PDE4B: variants seen among roughly 807,000 people sequenced by gnomAD.
The protein encoded by PDE4B is phosphodiesterase 4B.
Under a neutral mutation model 82.2 loss-of-function variants are expected in PDE4B, and 20 were observed. The ratio of observed to expected loss-of-function variants is 0.24; its 90% CI spans 0.17 to 0.35. The LOEUF is 0.35. PDE4B is among the 10% of genes least tolerant of loss of function. The pLI is 1.00. For synonymous variants in PDE4B, 320 were observed against 318.9 expected, an observed-to-expected ratio of 1.00 and a Z score of -0.04; for missense variants, 655 against 907.2, an observed-to-expected ratio of 0.72 and a Z score of 3.57.
intron 3 of PDE4B, among the ~76,000 whole-genome samples, chr1:66,111,869 G>T (rs891657508): frequency 3.3e-5 from 5 of 152,104 alleles, no homozygotes; most frequent in Admixed American, 1.3e-4. Flanking sequence ...ACAATGCCAG[G>T]GTTCACTATA....
At chr1:66,353,854 C>T (rs375011432) in intron 8 of PDE4B, among the ~76,000 whole-genome samples, 38 of 152,232 alleles carry the variant, frequency 2.5e-4, no homozygotes, top group African/African-American at 8.9e-4. Flanking sequence ...AAACAATTCA[C>T]CATTCTTTCA....
intron 3 of PDE4B, among the ~76,000 whole-genome samples, chr1:65,924,465 G>A (rs1442112469): frequency 2.0e-5 from 3 of 151,668 alleles, no homozygotes; most frequent in African/African-American, 7.3e-5. Context: ...TTTAAAGTTT[G>A]TATTCATGTA....
chr1:66,034,824 T>C (rs1224574978), intron 3 of PDE4B, among the ~76,000 whole-genome samples: 1 of 152,214 alleles, frequency 6.6e-6, no homozygotes, highest in East Asian at 1.9e-4. Context: ...TCTCTGGTCA[T>C]AAAGTTTTTA....
intron 3 of PDE4B, among the ~76,000 whole-genome samples, chr1:66,153,693 A>C (rs1646447725): frequency 6.6e-6 from 1 of 152,184 alleles, no homozygotes; most frequent in African/African-American, 2.4e-5. Flanking sequence ...GTAGGTGTCC[A>C]CAAGAACTCA....
At chr1:66,275,274 A>G (rs1438044689) in intron 7 of PDE4B, among the ~76,000 whole-genome samples, 2 of 152,202 alleles carry the variant, frequency 1.3e-5, no homozygotes, top group East Asian at 1.9e-4. Context: ...ATTGAAATAC[A>G]TGTTTCAGGG....
At chr1:65,905,844 G>A (rs1251208084) in intron 1 of PDE4B, among the ~76,000 whole-genome samples, 2 of 152,098 alleles carry the variant, frequency 1.3e-5, no homozygotes, top group Non-Finnish European at 2.9e-5. Flanking sequence ...CAGTATTGTA[G>A]GATGAATAAG....
intron 3 of PDE4B, among the ~76,000 whole-genome samples, chr1:66,078,423 T>G (rs1656542858): frequency 6.6e-6 from 1 of 152,124 alleles, no homozygotes; most frequent in Non-Finnish European, 1.5e-5. Flanking sequence ...TTGGCCAGAC[T>G]GGTCTCGAAC....
chr1:65,892,533 T>G (rs536514458), intron 1 of PDE4B, among the ~76,000 whole-genome samples: 2 of 152,192 alleles, frequency 1.3e-5, no homozygotes, highest in South Asian at 2.1e-4. Flanking sequence ...AAAAGAAAAT[T>G]GTGAATAACC....
intron 1 of PDE4B, among the ~76,000 whole-genome samples, chr1:65,880,055 T>A (rs1368028707): frequency 6.6e-6 from 1 of 152,230 alleles, no homozygotes; most frequent in East Asian, 1.9e-4. Context: ...GCAAAGGTGA[T>A]GCTGATGTGT....
intron 3 of PDE4B, among the ~76,000 whole-genome samples, chr1:65,942,269 C>A (rs1305824864): frequency 2.6e-5 from 4 of 151,954 alleles, no homozygotes; most frequent in African/African-American, 4.8e-5. Context: ...TAAGTGAGAT[C>A]ATGTGGCATT....
At chr1:66,234,571 G>A (rs565916763) in intron 3 of PDE4B, among the ~76,000 whole-genome samples, 56 of 152,176 alleles carry the variant, frequency 3.7e-4, no homozygotes, top group Non-Finnish European at 7.1e-4. Flanking sequence ...TTACAGGCAT[G>A]AGCCACCGTG....
intron 3 of PDE4B, among the ~76,000 whole-genome samples, chr1:65,969,469 GA>G (rs1177549590): frequency 6.6e-6 from 1 of 152,204 alleles, no homozygotes; most frequent in African/African-American, 2.4e-5. Context: ...ACACGGTATG[GA>G]AGAGTTGTTT....
At chr1:66,217,439 T>C (rs1650554206) in intron 3 of PDE4B, among the ~76,000 whole-genome samples, 1 of 152,084 alleles carries the variant, frequency 6.6e-6, no homozygotes, top group East Asian at 1.9e-4. Context: ...AGCTGCAGTG[T>C]CAAGCAGGAA....
At chr1:66,078,119 T>A (rs921185831) in intron 3 of PDE4B, among the ~76,000 whole-genome samples, 1 of 152,142 alleles carries the variant, frequency 6.6e-6, no homozygotes, top group South Asian at 2.1e-4. Context: ...TGAGTCCATT[T>A]TTTTAAGGTT....
At chr1:66,122,557 C>A (rs774878614) in intron 3 of PDE4B, among the ~76,000 whole-genome samples, 2 of 152,022 alleles carry the variant, frequency 1.3e-5, no homozygotes, top group Non-Finnish European at 2.9e-5. Context: ...ATACATGTAA[C>A]CGTAAGATCA....
chr1:65,929,003 C>G (rs1417864678), intron 3 of PDE4B, among the ~76,000 whole-genome samples: 1 of 152,172 alleles, frequency 6.6e-6, no homozygotes, highest in Admixed American at 6.5e-5. Flanking sequence ...TTCCCATGTT[C>G]TTCAGATTTC....
chr1:65,904,691 G>A (rs991490047), intron 1 of PDE4B, among the ~76,000 whole-genome samples: 4 of 152,190 alleles, frequency 2.6e-5, no homozygotes, highest in African/African-American at 4.8e-5. Flanking sequence ...GGCAGCAGAC[G>A]TAATGGTTAA....
chr1:66,131,042 G>A (rs557366870), intron 3 of PDE4B, among the ~76,000 whole-genome samples: 1 of 152,274 alleles, frequency 6.6e-6, no homozygotes, highest in South Asian at 2.1e-4. Context: ...ATTAGAAATG[G>A]GGTTCAAGGT....
At chr1:66,038,699 G>A (rs1288117224) in intron 3 of PDE4B, among the ~76,000 whole-genome samples, 6 of 152,030 alleles carry the variant, frequency 3.9e-5, no homozygotes, top group Admixed American at 3.9e-4. Context: ...ATAGGCTCTT[G>A]AACAGGGAGG....
Sources: gnomAD v4.1 joint callset for allele counts (sites outside exome capture counted in the v4.1 genomes callset) on GRCh38, gnomAD v4.1.1 for gene constraint, MANE v1.5 for transcripts, NCBI Gene and HGNC (gene_info 2026-07-23, HGNC 2026-07-21) for gene names.